FAM78A: variants seen among roughly 807,000 people sequenced by gnomAD.
FAM78A encodes protein FAM78A.
A neutral mutation model predicts 22.6 loss-of-function variants in FAM78A; 12 were observed. The observed-to-expected ratio is 0.53, with a 90% confidence interval of 0.34 to 0.86. The LOEUF (loss-of-function observed/expected upper bound fraction) is 0.86, where lower values mean the gene tolerates loss of function less well. Among genes scored for constraint, FAM78A ranks in the 40% least tolerant of loss-of-function variants. The probability of loss-of-function intolerance (pLI) is 0.02; values close to 1 mark genes in which losing one functional copy is unlikely to be tolerated. For missense variants in FAM78A, 322 were observed against 396.1 expected (o/e 0.81, Z 1.59); for synonymous variants, 151 against 155.8 (o/e 0.97, Z 0.23).
chr9:131,270,032 T>TTAAAAAAAAAAAAAAAAAAAAAAA (rs1835396769), intron 1 of FAM78A, among the ~76,000 whole-genome samples: 1 of 34,098 alleles, frequency 2.9e-5, no homozygotes, highest in African/African-American at 9.3e-5. Flanking sequence ...CCATCCCTAC[T>TTAAAAAAAAAAAAAAAAAAAAAAA]AAAATAAAAA....
rs1004109632 is a variant in FAM78A, at chr9:131,276,259, T to TG, written c.-81_-80insC. On this transcript the variant is annotated 5_prime_UTR_variant, in exon 1 of 2. The change abolishes the stop of an existing upstream ORF in the 5' untranslated region. Coordinates refer to ENST00000372271, the MANE Select transcript of FAM78A (RefSeq NM_033387.4). This position sits in a 1 kb window ranked among gnomAD's most constrained non-coding sequence, Gnocchi z 4.3. Reference sequence around the variant, plus strand: ...ACTCTCAAGACCGATATCCATAGGATAGAAAACTCACTGAGTAGACTGGGG... The same window carrying TG: ...ACTCTCAAGACCGATATCCATAGGATGAGAAAACTCACTGAGTAGACTGGGG... 1.6e-6 allele frequency: 2 copies of TG among 1,232,932 alleles called. No individual in the cohort carries two copies. Among genetic ancestry groups the TG allele is most frequent in the Admixed American group, 4.8e-5 (2 of 42,090 alleles). The allele number at this position is 1,232,932 out of a possible 1,614,324, so 76.4% of individuals were successfully genotyped here.
Position 131,260,906 on chromosome 9 carries a change from C to T in FAM78A, c.768G>A (p.Lys256=). 1 of 1,579,012 alleles carries T rather than the reference C, an allele frequency of 6.3e-7. No homozygotes were observed. Among genetic ancestry groups the T allele is most frequent in the Non-Finnish European group, 8.6e-7 (1 of 1,159,454 alleles). ...GGACCTGGGCATCGTTGGCATTGGG[C>T]TTGACCAGGGCGCTGGGCGGGATGG... ...NEPIPPSALV[K]PNANDAQVLM... is the part of the protein sequence containing the mutation. The change falls in exon 2 of 2, where the codon AAG becomes AAA. Residue 256 remains lysine (K), a synonymous_variant. Coordinates refer to ENST00000372271, the MANE Select transcript of FAM78A (RefSeq NM_033387.4). This position sits in a 1 kb window ranked among gnomAD's most constrained non-coding sequence, Gnocchi z 5.4.
chr9:131,277,729 G>C (rs897414291), upstream of FAM78A, among the ~76,000 whole-genome samples: 79 of 151,304 alleles, frequency 5.2e-4, no homozygotes, highest in African/African-American at 1.8e-3. The surrounding 1 kb of genome is among the most constrained non-coding windows in gnomAD (Gnocchi z 8.4). Context: ...TGGGGCTTCG[G>C]GGGGGCGGCC....
chr9:131,279,637 G>A (rs1835522822), upstream of FAM78A, among the ~76,000 whole-genome samples: 1 of 152,236 alleles, frequency 6.6e-6, no homozygotes, highest in Non-Finnish European at 1.5e-5. Flanking sequence ...CAGTGAAGCT[G>A]CTGGAGGTGA....
At position 131,276,305 on chromosome 9, in the gene FAM78A, G is replaced by T; in HGVS notation, c.-126C>A. 1.4e-6 allele frequency: 1 copy of T among 720,010 alleles called. No individual in the cohort carries two copies. 44.6% of individuals were successfully genotyped at this position (720,010 alleles called of 1,614,324 possible). A position where few individuals can be genotyped will look rare whatever the true frequency, so the allele number is the denominator to read the frequency against. ...TGGGGTTGCATATATCACTACCGCGGCCTGTTTATAAATAAGGATTCTGCT... is the reference window on the plus strand; with the variant it reads ...TGGGGTTGCATATATCACTACCGCGTCCTGTTTATAAATAAGGATTCTGCT... On this transcript the variant is annotated 5_prime_UTR_variant, in exon 1 of 2. Coordinates refer to ENST00000372271, the MANE Select transcript of FAM78A (RefSeq NM_033387.4). The surrounding 1 kb of genome is among the most constrained non-coding windows in gnomAD (Gnocchi z 4.3).
Position 131,261,439 on chromosome 9 carries a change from C to G in FAM78A, c.324-89G>C. The G allele has an allele frequency of 7.4e-7, 1 of 1,344,154 alleles. No individual in the cohort carries two copies. Among genetic ancestry groups the G allele is most frequent in the Non-Finnish European group, 9.9e-7 (1 of 1,013,370 alleles). The allele number at this position is 1,344,154 out of a possible 1,614,324, so 83.3% of individuals were successfully genotyped here. ...GGCAGGCCAGGGGCTGTCCTGGGCC[C>G]TGAGGATGGAACGGACCCAGCAGAC... On this transcript the variant is annotated intron_variant, in intron 1 of 1. Transcript: ENST00000372271. The surrounding 1 kb of genome is among the most constrained non-coding windows in gnomAD (Gnocchi z 7.1).
chr9:131,258,184 G>C lies in FAM78A; in HGVS notation c.*2638C>G, dbSNP rs927499017. The stretch of plus-strand genomic sequence containing the variant: ...TTCTTCAAGAGTCTTGTGCCTCCTG[G>C]TAAGTGCATTGGTTTGTTTCACAGT... On this transcript the variant is annotated 3_prime_UTR_variant, in exon 2 of 2. Transcript: ENST00000372271. The C allele has an allele frequency of 6.6e-6, 1 of 152,472 alleles. No homozygotes were observed. 9.4% of individuals were successfully genotyped at this position (152,472 alleles called of 1,614,324 possible).
At position 131,276,292 on chromosome 9, in the gene FAM78A, T is replaced by C; in HGVS notation, c.-113A>G. 1 of 800,588 alleles carries C rather than the reference T, an allele frequency of 1.2e-6. No homozygotes were observed. The highest frequency in any genetic ancestry group is 1.9e-5 in the South Asian group (1 of 52,278). 49.6% of individuals were successfully genotyped at this position (800,588 alleles called of 1,614,324 possible). The stretch of plus-strand genomic sequence containing the variant: ...TCACTGAGTAGACTGGGGTTGCATA[T>C]ATCACTACCGCGGCCTGTTTATAAA... On this transcript the variant is annotated 5_prime_UTR_variant, in exon 1 of 2. It adds an upstream start codon to the 5' untranslated region. Transcript: ENST00000372271. This position sits in a 1 kb window ranked among gnomAD's most constrained non-coding sequence, Gnocchi z 4.3.
intron 1 of FAM78A, among the ~76,000 whole-genome samples, chr9:131,268,011 C>G: frequency 6.8e-6 from 1 of 146,270 alleles, no homozygotes; most frequent in East Asian, 2.0e-4. Context: ...GAGATGGCGC[C>G]ACTGCACTCC....
At position 131,270,999 on chromosome 9, in the gene FAM78A, G is replaced by GCCTTTTTTTTTTTTTTTTTTT. The variant is rs1311041330; in HGVS notation, c.323+4857_323+4858insAAAAAAAAAAAAAAAAAAAGG. ...ACCCCTGCCCTGTCCTTTCCCACCA[G>GCCTTTTTTTTTTTTTTTTTTT]TCTTTTTTTTTTTTTTTTTTTTTTG... On this transcript the variant is annotated intron_variant, in intron 1 of 1. Coordinates refer to ENST00000372271, the MANE Select transcript of FAM78A (RefSeq NM_033387.4). Among the ~76,000 whole-genome samples, 2 of 131,964 alleles carry GCCTTTTTTTTTTTTTTTTTTT rather than the reference G, an allele frequency of 1.5e-5. 1 individual carries two copies. 86.6% of individuals were successfully genotyped at this position (131,964 alleles called of 152,430 possible). A position where few individuals can be genotyped will look rare whatever the true frequency, so the allele number is the denominator to read the frequency against.
In FAM78A at chr9:131,276,223, C is replaced by T; in HGVS notation, c.-44G>A. ...AGGACCCAGTACAGACGGCGCTGCT[C>T]TCCAATCTCAACTCTCAAGACCGAT... On this transcript the variant is annotated 5_prime_UTR_variant, in exon 1 of 2. Coordinates refer to ENST00000372271, the MANE Select transcript of FAM78A (RefSeq NM_033387.4). This position sits in a 1 kb window ranked among gnomAD's most constrained non-coding sequence, Gnocchi z 4.3. 2 of 1,523,654 alleles carry T rather than the reference C, an allele frequency of 1.3e-6. No homozygotes were observed. Among genetic ancestry groups the T allele is most frequent in the Non-Finnish European group, 1.8e-6 (2 of 1,116,656 alleles). The allele number at this position is 1,523,654 out of a possible 1,614,324, so 94.4% of individuals were successfully genotyped here. A position where few individuals can be genotyped will look rare whatever the true frequency, so the allele number is the denominator to read the frequency against.
At position 131,276,035 on chromosome 9, in the gene FAM78A, G is replaced by A. The variant is rs1456016456; in HGVS notation, c.145C>T (p.Pro49Ser). The A allele has an allele frequency of 2.5e-6, 4 of 1,613,652 alleles. No individual in the cohort carries two copies. Among genetic ancestry groups the A allele is most frequent in the Non-Finnish European group, 3.4e-6 (4 of 1,180,050 alleles). ...TVIDVKASID[P>S]VPTSIDESSS... Reference sequence around the variant, plus strand: ...GACTCATCGATGCTAGTGGGGACGGGGTCGATGGAGGCTTTCACATCAATC... The same window carrying A: ...GACTCATCGATGCTAGTGGGGACGGAGTCGATGGAGGCTTTCACATCAATC... Residue 49 changes from proline (P) to serine (S), a missense_variant, in exon 1 of 2, where the codon CCC becomes TCC. Physicochemically the swap from Pro to Ser is moderately conservative, Grantham distance 74. Coordinates refer to ENST00000372271, the MANE Select transcript of FAM78A (RefSeq NM_033387.4). This position sits in a 1 kb window ranked among gnomAD's most constrained non-coding sequence, Gnocchi z 4.3.
chr9:131,259,775 C>T lies in FAM78A; in HGVS notation c.*1047G>A, dbSNP rs942950198. The T allele has an allele frequency of 2.0e-5, 3 of 152,694 alleles. No individual in the cohort carries two copies. The highest frequency in any genetic ancestry group is 7.2e-5 in the African/African-American group (3 of 41,470). The allele number at this position is 152,694 out of a possible 1,614,324, so 9.5% of individuals were successfully genotyped here. A position where few individuals can be genotyped will look rare whatever the true frequency, so the allele number is the denominator to read the frequency against. On this transcript the variant is annotated 3_prime_UTR_variant, in exon 2 of 2. Transcript: ENST00000372271. ...ACATTGAGGCTGTGTGTCGGCGGTC[C>T]AGGTGGCCGGCCCCCAGGCATTTGG...
chr9:131,279,467 G>A (rs538767986), upstream of FAM78A, among the ~76,000 whole-genome samples: 4 of 152,242 alleles, frequency 2.6e-5, no homozygotes, highest in South Asian at 4.1e-4. Flanking sequence ...TTCATTTCCC[G>A]ACTCTCATCA....
chr9:131,276,345 C>T lies in FAM78A; in HGVS notation c.-166G>A, dbSNP rs1261714557. 1 of 571,648 alleles carries T rather than the reference C, an allele frequency of 1.7e-6. No individual in the cohort carries two copies. The highest frequency in any genetic ancestry group is 1.9e-5 in the African/African-American group (1 of 53,396). 35.4% of individuals were successfully genotyped at this position (571,648 alleles called of 1,614,324 possible). The stretch of plus-strand genomic sequence containing the variant: ...AGGATTCTGCTGCATTTCATGAGCC[C>T]TGGGCTCTCTCTTCTTCTCCTCGCA... On this transcript the variant is annotated 5_prime_UTR_variant, in exon 1 of 2. Transcript: ENST00000372271. The surrounding 1 kb of genome is among the most constrained non-coding windows in gnomAD (Gnocchi z 4.3).
At chr9:131,271,240 TA>T (rs1835417862) in intron 1 of FAM78A, among the ~76,000 whole-genome samples, 4 of 152,084 alleles carry the variant, frequency 2.6e-5, no homozygotes, top group Admixed American at 2.0e-4. Context: ...TGGCCGTTCA[TA>T]ACACAGTGAC....
rs990927338 is a variant in FAM78A, at chr9:131,274,905, G to A, written c.323+952C>T. Among the ~76,000 whole-genome samples, 1 of 152,206 alleles carries A rather than the reference G, an allele frequency of 6.6e-6. No homozygotes were observed. Among genetic ancestry groups the A allele is most frequent in the African/African-American group, 2.4e-5 (1 of 41,442 alleles). On this transcript the variant is annotated intron_variant, in intron 1 of 1. Coordinates refer to ENST00000372271, the MANE Select transcript of FAM78A (RefSeq NM_033387.4). This position sits in a 1 kb window ranked among gnomAD's most constrained non-coding sequence, Gnocchi z 4.2. ...CAGCGGCCAGTCACGGGGCCGCATGGGTGGGCTGCCCGCCGGGGCCTGCCT... is the reference window on the plus strand; with the variant it reads ...CAGCGGCCAGTCACGGGGCCGCATGAGTGGGCTGCCCGCCGGGGCCTGCCT...
chr9:131,277,408 C>A (rs1186247011), upstream of FAM78A, among the ~76,000 whole-genome samples: 1 of 152,010 alleles, frequency 6.6e-6, no homozygotes, highest in Non-Finnish European at 1.5e-5. This position sits in a 1 kb window ranked among gnomAD's most constrained non-coding sequence, Gnocchi z 8.4. Flanking sequence ...GGGCATAGTG[C>A]CCCCGCTCCG....
chr9:131,277,113 G>A (rs1194548676), upstream of FAM78A, among the ~76,000 whole-genome samples: 2 of 150,626 alleles, frequency 1.3e-5, no homozygotes, highest in African/African-American at 2.4e-5. This position sits in a 1 kb window ranked among gnomAD's most constrained non-coding sequence, Gnocchi z 8.4. Flanking sequence ...CGCCCCCCGC[G>A]CCCGCCCCGT....
Sources: allele counts gnomAD v4.1 joint callset (sites outside exome capture counted in the v4.1 genomes callset), GRCh38; gene constraint gnomAD v4.1.1; non-coding constraint Gnocchi (gnomAD v3.1); transcripts MANE v1.5; gene names NCBI Gene and HGNC (gene_info 2026-07-23, HGNC 2026-07-21).